Variants in LPIN1 observed in about 807,000 individuals in gnomAD.
LPIN1 encodes the protein lipin 1.
LPIN1 carries 71 observed loss-of-function variants against 107.5 expected under a neutral mutation model. The observed-to-expected ratio is 0.66, with a 90% confidence interval of 0.55 to 0.80. The LOEUF (loss-of-function observed/expected upper bound fraction) is 0.80, where lower values mean the gene tolerates loss of function less well. LPIN1 is among the 30% of genes least tolerant of loss of function. LPIN1 has a pLI of 0.00. For synonymous variants in LPIN1, 445 were observed against 452.6 expected (o/e 0.98, Z 0.21); for missense variants, 1,043 against 1,160.6 (o/e 0.90, Z 1.47).
intron 1 of LPIN1, among the ~76,000 whole-genome samples, chr2:11,754,774 T>C (rs1202640344): frequency 1.3e-5 from 2 of 152,212 alleles, no homozygotes; most frequent in African/African-American, 4.8e-5. Flanking sequence ...CCCACACACA[T>C]AGCTGGTAAA....
At chr2:11,792,760 A>G (rs889216577) in intron 13 of LPIN1, among the ~76,000 whole-genome samples, 16 of 152,134 alleles carry the variant, frequency 1.1e-4, no homozygotes, top group Non-Finnish European at 2.4e-4. Flanking sequence ...TGGCATGTCT[A>G]AAGGTCCATG....
At chr2:11,734,568 T>C (rs1558769472) in intron 1 of LPIN1, among the ~76,000 whole-genome samples, 1 of 152,222 alleles carries the variant, frequency 6.6e-6, no homozygotes, top group Non-Finnish European at 1.5e-5. Context: ...AAAATCCATC[T>C]GGACAGGAGA....
Position 11,771,315 on chromosome 2 carries a change from C to A in LPIN1, c.289-57C>A. On this transcript the variant is annotated intron_variant, in intron 3 of 20. Coordinates refer to ENST00000674199, the MANE Select transcript of LPIN1 (RefSeq NM_001349206.2). This position sits in a 1 kb window ranked among gnomAD's most constrained non-coding sequence, Gnocchi z 4.8. Reference sequence around the variant, plus strand: ...AATCCTGGAGGCCTCTGGCAAGGCCCTGCTTCTTATACCTGAATTAACGAG... The same window carrying A: ...AATCCTGGAGGCCTCTGGCAAGGCCATGCTTCTTATACCTGAATTAACGAG... The A allele has an allele frequency of 6.3e-7, 1 of 1,580,872 alleles. No homozygotes were observed. Among genetic ancestry groups the A allele is most frequent in the Non-Finnish European group, 8.7e-7 (1 of 1,150,482 alleles).
intron 1 of LPIN1, among the ~76,000 whole-genome samples, chr2:11,756,113 G>GTTTTGC (rs954533255): frequency 3.9e-5 from 6 of 152,162 alleles, no homozygotes; most frequent in African/African-American, 1.2e-4. Context: ...TATTGAGACA[G>GTTTTGC]TTTTGCATTT....
At chr2:11,820,607 C>A in intron 20 of LPIN1, 93 bp downstream of exon 20, 3 of 833,868 alleles carry the variant, frequency 3.6e-6, no homozygotes, top group Non-Finnish European at 6.2e-6. Flanking sequence ...TTCCCCTTTG[C>A]TGCCTATATG....
At chr2:11,746,768 T>C (rs1667003022) in intron 1 of LPIN1, 97 bp downstream of exon 1, 7 of 604,252 alleles carry the variant, frequency 1.2e-5, no homozygotes, top group Non-Finnish European at 1.4e-5. Flanking sequence ...TGAGGACGCG[T>C]GGCGAGGCGG....
intron 17 of LPIN1, 150 bp from the exon 18 acceptor site, chr2:11,814,938 C>T: frequency 1.4e-6 from 1 of 727,582 alleles, no homozygotes. Flanking sequence ...TTCTCAATTG[C>T]AAGCAAGATT....
rs529660456 is a variant in LPIN1 at position 11,771,010 on chromosome 2, A to G, written c.289-362A>G. ...ACACAGAAGTGCAAGAGTGCATCCA[A>G]TTCCCAGCATAATATGGTGAGTCAA... On this transcript the variant is annotated intron_variant, in intron 3 of 20. Transcript: ENST00000674199. The surrounding 1 kb of genome is among the most constrained non-coding windows in gnomAD (Gnocchi z 4.8). 6.6e-6 allele frequency among the ~76,000 whole-genome samples: 1 copy of G among 152,166 alleles called. No homozygotes were observed. Among genetic ancestry groups the G allele is most frequent in the Non-Finnish European group, 1.5e-5 (1 of 68,020 alleles).
intron 14 of LPIN1, among the ~76,000 whole-genome samples, chr2:11,797,189 G>A (rs1475953870): frequency 3.9e-5 from 6 of 152,234 alleles, no homozygotes; most frequent in Admixed American, 3.9e-4. Flanking sequence ...ACAAGAGGTA[G>A]CACAGAGCAG....
At chr2:11,757,253 C>T (rs779231942) in intron 1 of LPIN1, among the ~76,000 whole-genome samples, 1 of 152,160 alleles carries the variant, frequency 6.6e-6, no homozygotes, top group Non-Finnish European at 1.5e-5. Flanking sequence ...TTTTGTTTAT[C>T]GTTTGTCACC....
chr2:11,677,800 G>T lies in LPIN1; in HGVS notation c.81+72G>T, dbSNP rs1025548573. The T allele has an allele frequency of 4.7e-6, 6 of 1,276,992 alleles. No homozygotes were observed. In the African/African-American group the frequency reaches 7.3e-5, roughly 16 times the overall value. The allele number at this position is 1,276,992 out of a possible 1,614,324, so 79.1% of individuals were successfully genotyped here. A position where few individuals can be genotyped will look rare whatever the true frequency, so the allele number is the denominator to read the frequency against. ...CCTCCTTCCATCCCCAGGTGCCCGC[G>T]TACTGATGGGACCCGGGGAACATTT... is the stretch of plus-strand genomic sequence containing the variant. On this transcript the variant is annotated intron_variant, in intron 1 of 21. Transcript: ENST00000449576.
chr2:11,740,481 G>T (rs779340527), intron 1 of LPIN1, among the ~76,000 whole-genome samples: 1 of 152,010 alleles, frequency 6.6e-6, no homozygotes, highest in East Asian at 1.9e-4. Context: ...AGGAGTTCCA[G>T]ACAAGCCTAA....
At chr2:11,716,544 A>G (rs1295098546) in intron 2 of LPIN1, among the ~76,000 whole-genome samples, 1 of 151,644 alleles carries the variant, frequency 6.6e-6, no homozygotes, top group Non-Finnish European at 1.5e-5. Flanking sequence ...TGAGTGTGTC[A>G]TGGTTAGTCT....
intron 1 of LPIN1, among the ~76,000 whole-genome samples, chr2:11,708,929 A>G (rs1042187613): frequency 6.6e-6 from 1 of 152,130 alleles, no homozygotes; most frequent in African/African-American, 2.4e-5. Context: ...CAAAGCTACT[A>G]CTATTATTAT....
At chr2:11,756,155 G>C (rs1668655781) in intron 1 of LPIN1, among the ~76,000 whole-genome samples, 1 of 152,150 alleles carries the variant, frequency 6.6e-6, no homozygotes, top group South Asian at 2.1e-4. Context: ...TATATAATTA[G>C]ATGTTGCTTA....
intron 7 of LPIN1, among the ~76,000 whole-genome samples, chr2:11,780,182 G>A (rs556972125): frequency 6.6e-6 from 1 of 152,140 alleles, no homozygotes; most frequent in South Asian, 2.1e-4. Context: ...TGCCCAGCCA[G>A]GATCTACATT....
At chr2:11,788,257 A>G in intron 11 of LPIN1, 130 bp from the exon 12 acceptor site, 1 of 697,698 alleles carries the variant, frequency 1.4e-6, no homozygotes, top group Admixed American at 2.1e-5. Flanking sequence ...GCTGGGGGCT[A>G]GCAAGAGTAT....
In LPIN1 at chr2:11,776,131, G is replaced by T. The variant is rs541501213; in HGVS notation, c.768G>T (p.Ala256=). The T allele has an allele frequency of 3.3e-5, 51 of 1,548,386 alleles. No individual in the cohort carries two copies. The highest frequency in any genetic ancestry group is 3.3e-5 in the Non-Finnish European group (38 of 1,145,634). ...GGACTGCCCCTCATCTTGCAGTTGC[G>T]GCCGAGGGAGGTCTGTCTAGTTCTT... The part of the protein sequence containing the change: ...CKRTAPHLAV[A]AEGGLSSSCP... The change falls in exon 6 of 21, where the codon GCG becomes GCT. Residue 256 remains alanine, a synonymous_variant. Coordinates refer to ENST00000674199, the MANE Select transcript of LPIN1 (RefSeq NM_001349206.2).
rs1558842981 is a variant in LPIN1 at position 11,765,332 on chromosome 2, CTGATGGGCCG to C, written c.-9-191_-9-182del. The stretch of plus-strand genomic sequence containing the variant: ...GGACCCTGATGGGCCATGATGGACA[CTGATGGGCCG>C]TGATGGGCCCTGATGGGCCCTGATG... On this transcript the variant is annotated intron_variant, in intron 1 of 20. Coordinates refer to ENST00000674199, the MANE Select transcript of LPIN1 (RefSeq NM_001349206.2). The surrounding 1 kb of genome is among the most constrained non-coding windows in gnomAD (Gnocchi z 4.4). Among the ~76,000 whole-genome samples the C allele has an allele frequency of 6.7e-6, 1 of 150,054 alleles. No individual in the cohort carries two copies. Among genetic ancestry groups the C allele is most frequent in the East Asian group, 2.0e-4 (1 of 4,980 alleles).
Sources: gnomAD v4.1 joint callset for allele counts (sites outside exome capture counted in the v4.1 genomes callset) on GRCh38, gnomAD v4.1.1 for gene constraint, Gnocchi (gnomAD v3.1) non-coding constraint, MANE v1.5 for transcripts, NCBI Gene and HGNC (gene_info 2026-07-23, HGNC 2026-07-21) for gene names.